The following RBFOX1 variants were observed in gnomAD, a reference collection of about 807,000 sequenced individuals.
RBFOX1 encodes RNA binding fox-1 homolog 1.
RBFOX1 carries 8 observed loss-of-function variants against 57.7 expected under a neutral mutation model. The ratio of observed to expected loss-of-function variants is 0.14; its 90% CI spans 0.08 to 0.25. The LOEUF (loss-of-function observed/expected upper bound fraction) is 0.25, where lower values mean the gene tolerates loss of function less well. RBFOX1 is among the 10% of genes least tolerant of loss of function. The pLI, the probability that RBFOX1 is intolerant of heterozygous loss-of-function variation, is 1.00. For synonymous variants in RBFOX1, 326 were observed against 222.4 expected, an observed-to-expected ratio of 1.47 and a Z score of -4.15; for missense variants, 611 against 548.5, an observed-to-expected ratio of 1.11 and a Z score of -1.14.
chr16:6,447,981 TC>T (rs1485236395), intron 2 of RBFOX1, among the ~76,000 whole-genome samples: 1 of 28,920 alleles, frequency 3.5e-5, no homozygotes, highest in African/African-American at 1.8e-4. Flanking sequence ...GACAAGAGTC[TC>T]TCTCTCTCTC....
At chr16:5,355,321 C>G (rs1243062107) in intron 1 of RBFOX1, among the ~76,000 whole-genome samples, 1 of 152,156 alleles carries the variant, frequency 6.6e-6, no homozygotes, top group Non-Finnish European at 1.5e-5. Flanking sequence ...GACGCAGGGA[C>G]TATGGGCCGG....
intron 4 of RBFOX1, among the ~76,000 whole-genome samples, chr16:7,217,065 C>CTCCTTTCCCTG (rs1205536034): frequency 2.3e-5 from 3 of 131,994 alleles, no homozygotes; most frequent in African/African-American, 8.4e-5. Context: ...CTCTCTCCCT[C>CTCCTTTCCCTG]TCCTTTCCCT....
At chr16:6,040,221 C>T (rs949777981) in intron 1 of RBFOX1, among the ~76,000 whole-genome samples, 5 of 152,112 alleles carry the variant, frequency 3.3e-5, no homozygotes, top group African/African-American at 9.7e-5. Context: ...TAAATGTTAC[C>T]GTCTTAACCA....
intron 5 of RBFOX1, among the ~76,000 whole-genome samples, chr16:7,536,969 G>A (rs2081615509): frequency 6.6e-6 from 1 of 152,144 alleles, no homozygotes; most frequent in Non-Finnish European, 1.5e-5. Flanking sequence ...GCAGGGGGAT[G>A]GTGGCCCAAG....
intron 3 of RBFOX1, among the ~76,000 whole-genome samples, chr16:6,806,185 TA>T (rs2086720767): frequency 6.6e-6 from 1 of 152,134 alleles, no homozygotes; most frequent in Non-Finnish European, 1.5e-5. Context: ...GGTCACAATA[TA>T]AGAGAAAAAT....
intron 4 of RBFOX1, among the ~76,000 whole-genome samples, chr16:7,148,744 C>A (rs927607656): frequency 2.0e-5 from 3 of 152,224 alleles, no homozygotes; most frequent in South Asian, 2.1e-4. Context: ...GAGCAGAAAC[C>A]CGAAGAGGCC....
At chr16:5,723,337 G>C (rs2052006087) in intron 3 of RBFOX1, among the ~76,000 whole-genome samples, 2 of 152,096 alleles carry the variant, frequency 1.3e-5, no homozygotes, top group South Asian at 4.1e-4. Flanking sequence ...GTCTGATTTT[G>C]AGACCTTTGG....
intron 4 of RBFOX1, among the ~76,000 whole-genome samples, chr16:7,302,099 C>T (rs2096049313): frequency 6.6e-6 from 1 of 152,132 alleles, no homozygotes; most frequent in Admixed American, 6.6e-5. Context: ...CTTTCCCACT[C>T]CCCTGGATGA....
At chr16:6,241,514 CGTAA>C (rs1416676427) in intron 1 of RBFOX1, among the ~76,000 whole-genome samples, 1 of 152,144 alleles carries the variant, frequency 6.6e-6, no homozygotes, top group East Asian at 1.9e-4. Flanking sequence ...TAATTTTCCT[CGTAA>C]GTAATTTCTA....
At chr16:6,966,440 G>A (rs965220433) in intron 3 of RBFOX1, among the ~76,000 whole-genome samples, 18 of 152,154 alleles carry the variant, frequency 1.2e-4, no homozygotes, top group Admixed American at 6.5e-4. Context: ...GTCCCTGGGC[G>A]AGGTGGAGGG....
intron 2 of RBFOX1, among the ~76,000 whole-genome samples, chr16:5,580,588 C>A (rs1010769990): frequency 2.8e-4 from 43 of 152,256 alleles, no homozygotes; most frequent in African/African-American, 1.0e-3. Flanking sequence ...GCTGGTTGTT[C>A]CCTTTGTGAG....
At chr16:7,263,942 A>G (rs970914857) in intron 4 of RBFOX1, among the ~76,000 whole-genome samples, 24 of 150,882 alleles carry the variant, frequency 1.6e-4, no homozygotes, top group African/African-American at 5.9e-4. Context: ...AAAAACAAGT[A>G]GAAGGAAGGA....
intron 4 of RBFOX1, among the ~76,000 whole-genome samples, chr16:7,110,727 C>T (rs778822724): frequency 2.0e-5 from 3 of 152,044 alleles, no homozygotes; most frequent in Non-Finnish European, 4.4e-5. Flanking sequence ...AGCCTAAAAA[C>T]AAGATTTTTG....
intron 2 of RBFOX1, among the ~76,000 whole-genome samples, chr16:6,573,352 C>T (rs1357365912): frequency 1.3e-5 from 2 of 152,174 alleles, no homozygotes; most frequent in African/African-American, 2.4e-5. Flanking sequence ...CTGCCCCGGA[C>T]TGTCTTTCTC....
At chr16:7,286,857 G>T (rs2095660962) in intron 4 of RBFOX1, among the ~76,000 whole-genome samples, 1 of 151,930 alleles carries the variant, frequency 6.6e-6, no homozygotes, top group Admixed American at 6.6e-5. Context: ...TCAAACTCCT[G>T]ACCTCAGATG....
chr16:7,218,079 C>CTGTG (rs146860986), intron 4 of RBFOX1, among the ~76,000 whole-genome samples: 2 of 149,770 alleles, frequency 1.3e-5, no homozygotes, highest in African/African-American at 2.4e-5. Context: ...GTGTGTGCGT[C>CTGTG]TGTGTGTGTG....
At chr16:5,832,606 C>G (rs758140299) in intron 3 of RBFOX1, among the ~76,000 whole-genome samples, 1 of 152,178 alleles carries the variant, frequency 6.6e-6, no homozygotes, top group Non-Finnish European at 1.5e-5. Context: ...GCAATTACAC[C>G]TATTTGATGT....
intron 2 of RBFOX1, among the ~76,000 whole-genome samples, chr16:5,563,734 G>A (rs1288645530): frequency 6.6e-6 from 1 of 152,080 alleles, no homozygotes; most frequent in Non-Finnish European, 1.5e-5. Context: ...CAATTCAGTG[G>A]CTTCTCATAT....
In RBFOX1 at chr16:7,146,650, C is replaced by G. The variant is rs377382530; in HGVS notation, c.27+94552C>G. Among the ~76,000 whole-genome samples the G allele has an allele frequency of 3.2e-4, 49 of 152,156 alleles. 1 individual carries two copies. The East Asian group carries it at 4.9e-3, about 15-fold the overall frequency. ...CAGAAACTCAGAACCCAGCAGATAA[C>G]GTAAAAATAACAATGCGGCTGGGTG... On this transcript the variant is annotated intron_variant, in intron 4 of 15. Transcript: ENST00000550418.
Sources: allele counts gnomAD v4.1 joint callset (sites outside exome capture counted in the v4.1 genomes callset), GRCh38; gene constraint gnomAD v4.1.1; transcripts MANE v1.5; gene names NCBI Gene and HGNC (gene_info 2026-07-23, HGNC 2026-07-21).